Variants in ATP6V0A4 observed in about 807,000 individuals in gnomAD.
The protein encoded by ATP6V0A4 is ATPase H+ transporting V0 subunit a4.
ATP6V0A4 carries 86 observed loss-of-function variants against 107.3 expected under a neutral mutation model. The ratio of observed to expected loss-of-function variants is 0.80; its 90% confidence interval spans 0.67 to 0.96. The LOEUF is 0.96. ATP6V0A4 is among the 40% of genes least tolerant of loss of function. The pLI is 0.00. For missense variants in ATP6V0A4, 908 were observed against 1,045.6 expected, an observed-to-expected ratio of 0.87 and a Z score of 1.81; for synonymous variants, 353 against 381.4, an observed-to-expected ratio of 0.93 and a Z score of 0.87.
At chr7:138,710,503 G>C (rs569674284) in intron 20 of ATP6V0A4, among the ~76,000 whole-genome samples, 1 of 152,240 alleles carries the variant, frequency 6.6e-6, no homozygotes, top group East Asian at 1.9e-4. Context: ...CCTCTTCTTT[G>C]ACCAGGAAGT....
chr7:138,787,469 C>A (rs1401356938), intron 1 of ATP6V0A4, among the ~76,000 whole-genome samples: 1 of 152,082 alleles, frequency 6.6e-6, no homozygotes, highest in East Asian at 1.9e-4. Context: ...TCCCAACCAA[C>A]AAACCTAGAG....
Position 138,798,106 on chromosome 7 carries a change from T to C in ATP6V0A4, c.-193A>G. 2 of 1,596,904 alleles carry C rather than the reference T, an allele frequency of 1.3e-6. No homozygotes were observed. The highest frequency in any genetic ancestry group is 1.7e-6 in the Non-Finnish European group (2 of 1,172,404). The stretch of plus-strand genomic sequence containing the variant: ...CGGGCACTCAGCACAGCCTCCAGCA[T>C]GCAGCGCCTCCCCGCTGCCACCCGG... On this transcript the variant is annotated 5_prime_UTR_variant, in exon 1 of 22. It removes an upstream start codon present in the reference 5' UTR. Coordinates refer to ENST00000310018, the MANE Select transcript of ATP6V0A4 (RefSeq NM_020632.3).
At chr7:138,751,113 C>G (rs1017509329) in intron 11 of ATP6V0A4, among the ~76,000 whole-genome samples, 1 of 152,184 alleles carries the variant, frequency 6.6e-6, no homozygotes, top group Non-Finnish European at 1.5e-5. Context: ...AGCTAGTTCC[C>G]CATCGGCCAA....
chr7:138,746,494 A>G (rs768373622), intron 13 of ATP6V0A4, among the ~76,000 whole-genome samples: 13 of 151,580 alleles, frequency 8.6e-5, no homozygotes, highest in South Asian at 4.2e-4. Context: ...ACCTGTAATA[A>G]AACATTGCAG....
intron 19 of ATP6V0A4, among the ~76,000 whole-genome samples, chr7:138,719,341 C>G (rs1029593986): frequency 1.3e-5 from 2 of 152,108 alleles, no homozygotes; most frequent in Non-Finnish European, 2.9e-5. Flanking sequence ...ATCGTTTATG[C>G]GAATGCAGTG....
chr7:138,734,379 C>T, intron 15 of ATP6V0A4, 125 bp from the exon 16 acceptor site: 5 of 1,466,408 alleles, frequency 3.4e-6, no homozygotes, highest in Non-Finnish European at 4.7e-6. Flanking sequence ...ATATTTCAGT[C>T]CAGCTCAATG....
chr7:138,763,713 C>T (rs139680800), intron 5 of ATP6V0A4, among the ~76,000 whole-genome samples: 8 of 151,624 alleles, frequency 5.3e-5, no homozygotes, highest in African/African-American at 1.9e-4. Context: ...GGGCCAGGCA[C>T]GGTGGCTCAT....
At chr7:138,776,451 A>G (rs1406182657) in intron 2 of ATP6V0A4, among the ~76,000 whole-genome samples, 5 of 152,242 alleles carry the variant, frequency 3.3e-5, no homozygotes, top group Non-Finnish European at 5.9e-5. Flanking sequence ...GCTGAACTCA[A>G]GATTTGCAAA....
Position 138,709,960 on chromosome 7 carries a change from T to C in ATP6V0A4, c.2258-165A>G, listed in dbSNP as rs186483028. The C allele has an allele frequency of 4.0e-3, 1,318 of 331,312 alleles. 6 individuals are homozygous for C. The highest frequency in any genetic ancestry group is 3.6e-3 in the Non-Finnish European group (843 of 233,606). 20.5% of individuals were successfully genotyped at this position (331,312 alleles called of 1,614,324 possible). A position where few individuals can be genotyped will look rare whatever the true frequency, so the allele number is the denominator to read the frequency against. ...AACTCCTGGCCTGAAGCAATCCTCC[T>C]GTCTCAGCCTCCCAAAGTGCTGGGA... On this transcript the variant is annotated intron_variant, in intron 20 of 21. Transcript: ENST00000310018.
At chr7:138,769,101 T>C in intron 4 of ATP6V0A4, 72 bp downstream of exon 4, 2 of 1,599,410 alleles carry the variant, frequency 1.3e-6, no homozygotes, top group Non-Finnish European at 1.7e-6. Flanking sequence ...GTTCATTAAG[T>C]CCTGCAAACT....
intron 14 of ATP6V0A4, among the ~76,000 whole-genome samples, chr7:138,744,894 G>C (rs910492906): frequency 1.5e-4 from 23 of 151,962 alleles, no homozygotes; most frequent in Non-Finnish European, 2.4e-4. Context: ...GTGGAGACCA[G>C]GTTTCACCAT....
intron 5 of ATP6V0A4, among the ~76,000 whole-genome samples, chr7:138,767,968 C>G (rs894740355): frequency 6.6e-6 from 1 of 152,174 alleles, no homozygotes; most frequent in African/African-American, 2.4e-5. Context: ...GAGTCTTGCT[C>G]TGTCGCCCAG....
chr7:138,775,088 C>T (rs919448847), intron 2 of ATP6V0A4, among the ~76,000 whole-genome samples: 4 of 152,140 alleles, frequency 2.6e-5, no homozygotes, highest in African/African-American at 9.7e-5. Flanking sequence ...AGATCCCCCA[C>T]AGGGACTCTC....
At chr7:138,717,913 A>G (rs1804134439) in intron 19 of ATP6V0A4, among the ~76,000 whole-genome samples, 1 of 79,954 alleles carries the variant, frequency 1.3e-5, no homozygotes, top group Admixed American at 1.8e-4. Flanking sequence ...GTCTCGGAAA[A>G]AAAAAAAAAA....
chr7:138,738,311 A>G (rs1380951809), intron 15 of ATP6V0A4, among the ~76,000 whole-genome samples: 1 of 152,136 alleles, frequency 6.6e-6, no homozygotes, highest in Non-Finnish European at 1.5e-5. Context: ...GCAATGTGAA[A>G]TACCGTAGCT....
At chr7:138,766,075 T>A (rs1807070515) in intron 5 of ATP6V0A4, among the ~76,000 whole-genome samples, 1 of 151,966 alleles carries the variant, frequency 6.6e-6, no homozygotes, top group Non-Finnish European at 1.5e-5. Context: ...AATTTCATTT[T>A]TACAGCAAAT....
At chr7:138,779,129 C>T (rs1807808598) in intron 2 of ATP6V0A4, among the ~76,000 whole-genome samples, 1 of 151,968 alleles carries the variant, frequency 6.6e-6, no homozygotes, top group African/African-American at 2.4e-5. Flanking sequence ...TTGCTTGAGC[C>T]CAGGAGTTTC....
intron 14 of ATP6V0A4, among the ~76,000 whole-genome samples, chr7:138,740,846 A>G (rs1247871290): frequency 6.6e-6 from 1 of 151,702 alleles, no homozygotes; most frequent in Admixed American, 6.6e-5. Context: ...TGAGCATTTG[A>G]AATGATGAGG....
At chr7:138,756,000 G>GA in intron 9 of ATP6V0A4, 2 of 776,764 alleles carry the variant, frequency 2.6e-6, no homozygotes, top group Non-Finnish European at 4.0e-6. Context: ...TTATATGAAT[G>GA]AGCTTCATTC....
Sources: gnomAD v4.1 joint callset for allele counts (sites outside exome capture counted in the v4.1 genomes callset) on GRCh38, gnomAD v4.1.1 for gene constraint, MANE v1.5 for transcripts, NCBI Gene and HGNC (gene_info 2026-07-23, HGNC 2026-07-21) for gene names.